MAGI3: variants seen among roughly 807,000 people sequenced by gnomAD.
MAGI3 encodes membrane-associated guanylate kinase, WW and PDZ domain-containing protein 3.
MAGI3 carries 43 observed loss-of-function variants against 121.8 expected under a neutral mutation model. The observed-to-expected ratio is 0.35, with a 90% CI of 0.28 to 0.46. MAGI3 has a LOEUF of 0.46. MAGI3 is among the 20% of genes least tolerant of loss of function. The pLI is 1.00. For missense variants in MAGI3, 1,547 were observed against 1,797.3 expected (o/e 0.86, Z 2.52); for synonymous variants, 553 against 639.3 (o/e 0.86, Z 2.04).
At chr1:113,454,380 C>A (rs1570699269) in intron 1 of MAGI3, among the ~76,000 whole-genome samples, 1 of 152,118 alleles carries the variant, frequency 6.6e-6, no homozygotes, top group Non-Finnish European at 1.5e-5. Flanking sequence ...ATGACCTGTC[C>A]GTACATTTTA....
At chr1:113,571,170 T>C (rs750435839) in intron 2 of MAGI3, among the ~76,000 whole-genome samples, 8 of 152,218 alleles carry the variant, frequency 5.3e-5, no homozygotes, top group Non-Finnish European at 7.3e-5. Flanking sequence ...CATTTCTTGT[T>C]TTTGTCAGGT....
intron 1 of MAGI3, among the ~76,000 whole-genome samples, chr1:113,515,205 G>A (rs1289762625): frequency 6.6e-6 from 1 of 151,908 alleles, no homozygotes; most frequent in Non-Finnish European, 1.5e-5. Flanking sequence ...ACTTCCAAAG[G>A]CCTTTGATGT....
At chr1:113,680,550 G>T (rs1298219046) in intron 19 of MAGI3, among the ~76,000 whole-genome samples, 1 of 152,096 alleles carries the variant, frequency 6.6e-6, no homozygotes, top group Non-Finnish European at 1.5e-5. Flanking sequence ...GAGGTCAGGA[G>T]ATCGAGACCA....
intron 2 of MAGI3, among the ~76,000 whole-genome samples, chr1:113,564,093 A>G (rs2101692274): frequency 6.6e-6 from 1 of 152,280 alleles, no homozygotes; most frequent in East Asian, 1.9e-4. Flanking sequence ...CTCTGTTCAG[A>G]TTGCCATGTG....
At chr1:113,672,820 T>A in intron 18 of MAGI3, 79 bp downstream of exon 18, 1 of 1,495,774 alleles carries the variant, frequency 6.7e-7, no homozygotes, top group South Asian at 1.3e-5. Context: ...TTATTGCAAA[T>A]CAGTTCAGAT....
chr1:113,537,059 A>G (rs1477667976), intron 1 of MAGI3, among the ~76,000 whole-genome samples: 1 of 152,062 alleles, frequency 6.6e-6, no homozygotes, highest in Non-Finnish European at 1.5e-5. Flanking sequence ...TTTCTTGACT[A>G]CCTTTTCAGT....
At chr1:113,652,670 A>AG (rs1446938663) in intron 14 of MAGI3, among the ~76,000 whole-genome samples, 1 of 152,172 alleles carries the variant, frequency 6.6e-6, no homozygotes, top group African/African-American at 2.4e-5. Flanking sequence ...AAAAAAAAAA[A>AG]GAAAAAAACA....
chr1:113,600,519 C>T (rs1420377065), intron 6 of MAGI3, among the ~76,000 whole-genome samples: 33 of 152,136 alleles, frequency 2.2e-4, no homozygotes, highest in Middle Eastern at 6.8e-3. Flanking sequence ...TTACAAGGGA[C>T]ATGAAGGACC....
At chr1:113,547,521 T>C (rs922909731) in intron 1 of MAGI3, among the ~76,000 whole-genome samples, 42 of 152,156 alleles carry the variant, frequency 2.8e-4, no homozygotes, top group Admixed American at 1.6e-3. Flanking sequence ...TCCCCAAATA[T>C]CACAAAACAC....
intron 1 of MAGI3, among the ~76,000 whole-genome samples, chr1:113,449,175 A>G (rs1345978765): frequency 6.6e-6 from 1 of 152,036 alleles, no homozygotes; most frequent in East Asian, 1.9e-4. Context: ...GATATGCTGG[A>G]TAGTAAAAAG....
chr1:113,660,219 G>A (rs568141775), intron 16 of MAGI3, among the ~76,000 whole-genome samples: 4 of 152,174 alleles, frequency 2.6e-5, no homozygotes, highest in African/African-American at 7.2e-5. Flanking sequence ...AGGCCCTGTC[G>A]AATTCTGGGC....
At chr1:113,623,297 C>G (rs1307865457) in intron 9 of MAGI3, among the ~76,000 whole-genome samples, 1 of 151,636 alleles carries the variant, frequency 6.6e-6, no homozygotes. Context: ...TTATAAACAA[C>G]CCGTTTATAC....
intron 1 of MAGI3, among the ~76,000 whole-genome samples, chr1:113,538,917 G>C (rs1236821162): frequency 6.6e-6 from 1 of 152,130 alleles, no homozygotes; most frequent in Non-Finnish European, 1.5e-5. Flanking sequence ...GTAGAACTTG[G>C]AAGTTTTTTG....
At chr1:113,392,561 A>T (rs986855988) in intron 1 of MAGI3, among the ~76,000 whole-genome samples, 25 of 152,188 alleles carry the variant, frequency 1.6e-4, no homozygotes, top group Non-Finnish European at 3.7e-4. Context: ...CAGTTTACAT[A>T]TGTCTGTGTA....
chr1:113,656,606 G>A (rs1255260773), intron 15 of MAGI3, among the ~76,000 whole-genome samples: 1 of 151,940 alleles, frequency 6.6e-6, no homozygotes, highest in Non-Finnish European at 1.5e-5. Flanking sequence ...TAGCAGAGAC[G>A]GGGTTTTGCC....
At chr1:113,634,755 T>C (rs558484465) in intron 9 of MAGI3, among the ~76,000 whole-genome samples, 1 of 152,298 alleles carries the variant, frequency 6.6e-6, no homozygotes, top group South Asian at 2.1e-4. Flanking sequence ...AGTAGTTTTT[T>C]CCAATTCTGT....
chr1:113,681,192 G>T lies in MAGI3; in HGVS notation c.3190-6G>T. 6.2e-7 allele frequency: 1 copy of T among 1,612,944 alleles called. No individual in the cohort carries two copies. The highest frequency in any genetic ancestry group is 8.5e-7 in the Non-Finnish European group (1 of 1,179,696). On this transcript the variant is annotated splice_polypyrimidine_tract_variant and splice_region_variant and intron_variant, in intron 19 of 20. Coordinates refer to ENST00000307546, the MANE Select transcript of MAGI3 (RefSeq NM_001142782.2). ...CATGTTGTTCCTGTGAATGTTCTCT[G>T]TCTAGGTTGGTGACCAGATTGTTGA...
chr1:113,685,480 C>CAATT lies in MAGI3; in HGVS notation c.*1468_*1471dup, dbSNP rs1648489349. 6.6e-6 allele frequency: 1 copy of CAATT among 152,358 alleles called. No homozygotes were observed. Among genetic ancestry groups the CAATT allele is most frequent in the African/African-American group, 2.4e-5 (1 of 41,454 alleles). 9.4% of individuals were successfully genotyped at this position (152,358 alleles called of 1,614,324 possible). A position where few individuals can be genotyped will look rare whatever the true frequency, so the allele number is the denominator to read the frequency against. On this transcript the variant is annotated 3_prime_UTR_variant, in exon 21 of 21. Coordinates refer to ENST00000307546, the MANE Select transcript of MAGI3 (RefSeq NM_001142782.2). Reference sequence around the variant, plus strand: ...TGTGAAACTCTTTAACCCAACAACTCAATTAGCCCCTGTAGATAAGACATG... The same window carrying CAATT: ...TGTGAAACTCTTTAACCCAACAACTCAATTAATTAGCCCCTGTAGATAAGACATG...
chr1:113,530,790 C>T (rs1260321735), intron 1 of MAGI3, among the ~76,000 whole-genome samples: 1 of 152,014 alleles, frequency 6.6e-6, no homozygotes, highest in African/African-American at 2.4e-5. Flanking sequence ...GTGGTGTGCA[C>T]CTGTAGTCCC....
Sources: gnomAD v4.1 joint callset for allele counts (sites outside exome capture counted in the v4.1 genomes callset) on GRCh38, gnomAD v4.1.1 for gene constraint, MANE v1.5 for transcripts, NCBI Gene and HGNC (gene_info 2026-07-23, HGNC 2026-07-21) for gene names.